ASB18: variants seen among roughly 807,000 people sequenced by gnomAD.
The protein encoded by ASB18 is ankyrin repeat and SOCS box protein 18.
A neutral mutation model predicts 33.4 loss-of-function variants in ASB18; 33 were observed. The ratio of observed to expected loss-of-function variants is 0.99; its 90% CI spans 0.75 to 1.32. The LOEUF (loss-of-function observed/expected upper bound fraction) is 1.32, where lower values mean the gene tolerates loss of function less well. Ranked by LOEUF, ASB18 falls within the 40% of genes most tolerant of loss-of-function variation. ASB18 has a pLI of 0.00. For missense variants in ASB18, 694 were observed against 655.5 expected (o/e 1.06, Z -0.64); for synonymous variants, 295 against 307.6 (o/e 0.96, Z 0.43).
At position 236,262,158 on chromosome 2, in the gene ASB18, T is replaced by C. The variant is rs886254264; in HGVS notation, c.205+1983A>G. On this transcript the variant is annotated intron_variant, in intron 1 of 5. Coordinates refer to ENST00000409749, the MANE Select transcript of ASB18 (RefSeq NM_212556.4). This position sits in a 1 kb window ranked among gnomAD's most constrained non-coding sequence, Gnocchi z 5.2. ...AAAGATTTTGCAGGGCAATTAGTAA[T>C]GTGAAAAGAAAGGATATTTAGGTTC... Among the ~76,000 whole-genome samples the C allele has an allele frequency of 3.3e-5, 5 of 152,208 alleles. No individual in the cohort carries two copies. The highest frequency in any genetic ancestry group is 1.2e-4 in the African/African-American group (5 of 41,446).
At position 236,216,758 on chromosome 2, in the gene ASB18, A is replaced by G. The variant is rs1224859035; in HGVS notation, c.597-1892T>C. Reference sequence around the variant, plus strand: ...CAGTGCCAATCAAATGTGCCTGCCAACAACCCCACCACTCCCCCTGCCTGC... The same window carrying G: ...CAGTGCCAATCAAATGTGCCTGCCAGCAACCCCACCACTCCCCCTGCCTGC... On this transcript the variant is annotated intron_variant, in intron 3 of 5. Coordinates refer to ENST00000409749, the MANE Select transcript of ASB18 (RefSeq NM_212556.4). The surrounding 1 kb of genome is among the most constrained non-coding windows in gnomAD (Gnocchi z 6.1). Among the ~76,000 whole-genome samples, 2 of 152,114 alleles carry G rather than the reference A, an allele frequency of 1.3e-5. No individual in the cohort carries two copies. The highest frequency in any genetic ancestry group is 2.9e-5 in the Non-Finnish European group (2 of 68,018).
At chr2:236,197,939 C>CTATT (rs1328070386) in intron 4 of ASB18, among the ~76,000 whole-genome samples, 1 of 152,116 alleles carries the variant, frequency 6.6e-6, no homozygotes, top group African/African-American at 2.4e-5. Context: ...ATCGTTCTTT[C>CTATT]TATTTCTTGG....
chr2:236,207,676 G>A (rs771771955), intron 4 of ASB18, among the ~76,000 whole-genome samples: 10 of 152,192 alleles, frequency 6.6e-5, no homozygotes, highest in Admixed American at 3.9e-4. Flanking sequence ...CGGTTTGCCC[G>A]GTGGACTTGA....
chr2:236,261,784 C>T lies in ASB18; in HGVS notation c.205+2357G>A, dbSNP rs1481021363. The stretch of plus-strand genomic sequence containing the variant: ...GTTCCACGTGGCTGGGGAGGCCTCA[C>T]AATCATGGCAGAAGGTGAGGGAAGA... On this transcript the variant is annotated intron_variant, in intron 1 of 5. Transcript: ENST00000409749. 3.9e-5 allele frequency among the ~76,000 whole-genome samples: 6 copies of T among 152,174 alleles called. No individual in the cohort carries two copies. In the East Asian group the frequency reaches 9.6e-4, roughly 24 times the overall value.
Position 236,241,539 on chromosome 2 carries a change from A to T in ASB18, c.206-137T>A. On this transcript the variant is annotated intron_variant, in intron 1 of 5. Transcript: ENST00000409749. This position sits in a 1 kb window ranked among gnomAD's most constrained non-coding sequence, Gnocchi z 4.2. ...TCTCCATTGAGATGCCGTCGATTTC[A>T]GAAGAGTTCTTCAGGAACGGGAAAG... The T allele has an allele frequency of 1.0e-6, 1 of 962,468 alleles. No homozygotes were observed. The highest frequency in any genetic ancestry group is 1.6e-6 in the Non-Finnish European group (1 of 616,346). 59.6% of individuals were successfully genotyped at this position (962,468 alleles called of 1,614,324 possible).
rs1364850237 is a variant in ASB18, at chr2:236,214,275, G to C, written c.1101+87C>G. 1.4e-6 allele frequency: 2 copies of C among 1,386,210 alleles called. No homozygotes were observed. The highest frequency in any genetic ancestry group is 3.0e-5 in the African/African-American group (2 of 67,092). 85.9% of individuals were successfully genotyped at this position (1,386,210 alleles called of 1,614,324 possible). On this transcript the variant is annotated intron_variant, in intron 4 of 5. Transcript: ENST00000409749. This position sits in a 1 kb window ranked among gnomAD's most constrained non-coding sequence, Gnocchi z 6.5. Reference sequence around the variant, plus strand: ...GGGTGCCTGGGCCATTACACTTTGAGAGCGCCGCATGCAACCCAGCTCCCA... The same window carrying C: ...GGGTGCCTGGGCCATTACACTTTGACAGCGCCGCATGCAACCCAGCTCCCA...
rs891097726 is a variant in ASB18 at position 236,253,744 on chromosome 2, C to T, written c.205+10397G>A. 6.6e-6 allele frequency: 1 copy of T among 152,132 alleles called. No individual in the cohort carries two copies. Among genetic ancestry groups the T allele is most frequent in the African/African-American group, 2.4e-5 (1 of 41,422 alleles). 9.4% of individuals were successfully genotyped at this position (152,132 alleles called of 1,614,324 possible). ...TACCGGCAAAAATAAAACCGAAAAACGACAGGTAATTACAAGTCTGCAAAT... is the reference window on the plus strand; with the variant it reads ...TACCGGCAAAAATAAAACCGAAAAATGACAGGTAATTACAAGTCTGCAAAT... On this transcript the variant is annotated intron_variant, in intron 1 of 5. Transcript: ENST00000409749. This position sits in a 1 kb window ranked among gnomAD's most constrained non-coding sequence, Gnocchi z 5.4.
In ASB18 at chr2:236,213,262, G is replaced by A. The variant is rs1164528812; in HGVS notation, c.1101+1100C>T. On this transcript the variant is annotated intron_variant, in intron 4 of 5. Transcript: ENST00000409749. This position sits in a 1 kb window ranked among gnomAD's most constrained non-coding sequence, Gnocchi z 4.8. The stretch of plus-strand genomic sequence containing the variant: ...TGTTTGTCAAGTGAGCAAACACTAG[G>A]GGAGTTGTCTCGGGGGATTTTCTAA... 6.6e-6 allele frequency among the ~76,000 whole-genome samples: 1 copy of A among 151,952 alleles called. No homozygotes were observed. The highest frequency in any genetic ancestry group is 1.5e-5 in the Non-Finnish European group (1 of 68,014).
At chr2:236,236,604 G>A (rs1257333841) in intron 3 of ASB18, among the ~76,000 whole-genome samples, 1 of 149,138 alleles carries the variant, frequency 6.7e-6, no homozygotes, top group Non-Finnish European at 1.5e-5. Flanking sequence ...AAGACTGGCG[G>A]GGGTCCACGT....
intron 1 of ASB18, among the ~76,000 whole-genome samples, chr2:236,254,617 C>G (rs1251160678): frequency 6.6e-6 from 1 of 151,954 alleles, no homozygotes; most frequent in Admixed American, 6.6e-5. Flanking sequence ...TCCCACAGAT[C>G]CTGTTCATTT....
Position 236,226,506 on chromosome 2 carries a change from T to C in ASB18, c.596+11183A>G, listed in dbSNP as rs1473636667. The stretch of plus-strand genomic sequence containing the variant: ...AATCCCCACTTTAATAAAAAGACAT[T>C]TAAAAAGTCCTTATTAAACAATGGC... On this transcript the variant is annotated intron_variant, in intron 3 of 5. Transcript: ENST00000409749. This position sits in a 1 kb window ranked among gnomAD's most constrained non-coding sequence, Gnocchi z 4.8. 6.6e-6 allele frequency among the ~76,000 whole-genome samples: 1 copy of C among 152,156 alleles called. No homozygotes were observed. Among genetic ancestry groups the C allele is most frequent in the Non-Finnish European group, 1.5e-5 (1 of 68,034 alleles).
In ASB18 at chr2:236,262,471, C is replaced by G. The variant is rs185219267; in HGVS notation, c.205+1670G>C. Among the ~76,000 whole-genome samples, 2 of 152,306 alleles carry G rather than the reference C, an allele frequency of 1.3e-5. No homozygotes were observed. The highest frequency in any genetic ancestry group is 1.3e-4 in the Admixed American group (2 of 15,306). ...AGAAGGAGGCTGCTAAACCCAGCAG[C>G]GATCTGGCAGGGAGGGCCGGGGAAG... On this transcript the variant is annotated intron_variant, in intron 1 of 5. Transcript: ENST00000409749. The surrounding 1 kb of genome is among the most constrained non-coding windows in gnomAD (Gnocchi z 5.2).
chr2:236,232,916 A>C (rs1210640744), intron 3 of ASB18, among the ~76,000 whole-genome samples: 10 of 152,154 alleles, frequency 6.6e-5, no homozygotes, highest in African/African-American at 2.2e-4. Context: ...CATACTTCTC[A>C]AATTATTTTT....
chr2:236,230,592 G>C (rs1454076227), intron 3 of ASB18, among the ~76,000 whole-genome samples: 2 of 151,880 alleles, frequency 1.3e-5, no homozygotes, highest in Non-Finnish European at 2.9e-5. Context: ...GCCAGGAGGA[G>C]AGAAATGGAA....
At position 236,248,553 on chromosome 2, in the gene ASB18, A is replaced by C. The variant is rs1487312174; in HGVS notation, c.206-7151T>G. On this transcript the variant is annotated intron_variant, in intron 1 of 5. Coordinates refer to ENST00000409749, the MANE Select transcript of ASB18 (RefSeq NM_212556.4). This position sits in a 1 kb window ranked among gnomAD's most constrained non-coding sequence, Gnocchi z 4.9. Reference sequence around the variant, plus strand: ...GGTTGTGGTGAGTTGAGATAATGCCACTGCTCTCCAGCCTGGGCAACAGAG... The same window carrying C: ...GGTTGTGGTGAGTTGAGATAATGCCCCTGCTCTCCAGCCTGGGCAACAGAG... The C allele has an allele frequency of 6.6e-6, 1 of 151,570 alleles. No individual in the cohort carries two copies. The highest frequency in any genetic ancestry group is 1.5e-5 in the Non-Finnish European group (1 of 67,974). The allele number at this position is 151,570 out of a possible 1,614,324, so 9.4% of individuals were successfully genotyped here.
Position 236,252,267 on chromosome 2 carries a change from T to TCA in ASB18, c.206-10867_206-10866dup, listed in dbSNP as rs113672805. On this transcript the variant is annotated intron_variant, in intron 1 of 5. Transcript: ENST00000409749. This position sits in a 1 kb window ranked among gnomAD's most constrained non-coding sequence, Gnocchi z 7.9. Reference sequence around the variant, plus strand: ...GCCTTGGCAACAGAGTGAGACTCCGTCACACACACACACACACACACACAC... The same window carrying TCA: ...GCCTTGGCAACAGAGTGAGACTCCGTCACACACACACACACACACACACACAC... Among the ~76,000 whole-genome samples the TCA allele has an allele frequency of 0.091, 12,629 of 138,436 alleles. 674 individuals are homozygous for TCA. Among genetic ancestry groups the TCA allele is most frequent in the Admixed American group, 0.13 (1,742 of 13,486 alleles). The allele number at this position is 138,436 out of a possible 152,430, so 90.8% of individuals were successfully genotyped here.
chr2:236,216,846 C>T lies in ASB18; in HGVS notation c.597-1980G>A, dbSNP rs2060489626. ...CACATCATGATCCAGCTCCTGGGGG[C>T]TCACCGGGTTCACCTCCTGAGGCGC... On this transcript the variant is annotated intron_variant, in intron 3 of 5. Transcript: ENST00000409749. This position sits in a 1 kb window ranked among gnomAD's most constrained non-coding sequence, Gnocchi z 6.1. Among the ~76,000 whole-genome samples the T allele has an allele frequency of 6.6e-6, 1 of 152,222 alleles. No individual in the cohort carries two copies. Among genetic ancestry groups the T allele is most frequent in the African/African-American group, 2.4e-5 (1 of 41,462 alleles).
At position 236,214,037 on chromosome 2, in the gene ASB18, G is replaced by A. The variant is rs898405565; in HGVS notation, c.1101+325C>T. On this transcript the variant is annotated intron_variant, in intron 4 of 5. Transcript: ENST00000409749. The surrounding 1 kb of genome is among the most constrained non-coding windows in gnomAD (Gnocchi z 6.5). ...TGCATCATCGAAATAAGTGCCTGGC[G>A]TCCGTCCCCAGGTGACTACTTTGAA... The A allele has an allele frequency of 1.4e-5, 4 of 289,152 alleles. No individual in the cohort carries two copies. The highest frequency in any genetic ancestry group is 1.9e-5 in the Non-Finnish European group (3 of 156,092). The allele number at this position is 289,152 out of a possible 1,614,324, so 17.9% of individuals were successfully genotyped here. A position where few individuals can be genotyped will look rare whatever the true frequency, so the allele number is the denominator to read the frequency against.
At chr2:236,207,749 G>C (rs2060441129) in intron 4 of ASB18, among the ~76,000 whole-genome samples, 1 of 152,012 alleles carries the variant, frequency 6.6e-6, no homozygotes, top group Non-Finnish European at 1.5e-5. Context: ...TGCTCTGAAA[G>C]CTGGGTTCCC....
Sources: gnomAD v4.1 joint callset for allele counts (sites outside exome capture counted in the v4.1 genomes callset) on GRCh38, gnomAD v4.1.1 for gene constraint, Gnocchi (gnomAD v3.1) non-coding constraint, MANE v1.5 for transcripts, NCBI Gene and HGNC (gene_info 2026-07-23, HGNC 2026-07-21) for gene names.